EPHA3: variants seen among roughly 807,000 people sequenced by gnomAD.
The protein encoded by EPHA3 is EPH receptor A3, also known as ephrin type-A receptor 3.
In EPHA3, 42 loss-of-function variants were observed where a neutral mutation model predicts 107.1. The ratio of observed to expected loss-of-function variants is 0.39; its 90% CI spans 0.31 to 0.51. The LOEUF is 0.51. EPHA3 is among the 20% of genes least tolerant of loss of function. The probability of loss-of-function intolerance (pLI) is 0.78; values close to 1 mark genes in which losing one functional copy is unlikely to be tolerated. For missense variants in EPHA3, 1,183 were observed against 1,211.2 expected (o/e 0.98, Z 0.35); for synonymous variants, 461 against 424.8 (o/e 1.09, Z -1.05).
intron 5 of EPHA3, among the ~76,000 whole-genome samples, chr3:89,365,751 G>A (rs898088457): frequency 1.0e-4 from 15 of 150,474 alleles, no homozygotes; most frequent in African/African-American, 3.6e-4. Flanking sequence ...GGACAAAGCG[G>A]TATGACTGTC....
chr3:89,424,689 A>G (rs1709422347), intron 11 of EPHA3, among the ~76,000 whole-genome samples: 1 of 151,426 alleles, frequency 6.6e-6, no homozygotes, highest in Admixed American at 6.6e-5. Context: ...GAAAGGAGAA[A>G]AAAACAAAAC....
At chr3:89,155,462 A>G (rs1331921893) in intron 2 of EPHA3, among the ~76,000 whole-genome samples, 1 of 152,078 alleles carries the variant, frequency 6.6e-6, no homozygotes, top group African/African-American at 2.4e-5. Flanking sequence ...CAAGCATAGT[A>G]TTAACCAGAC....
intron 3 of EPHA3, among the ~76,000 whole-genome samples, chr3:89,297,736 A>G (rs961870261): frequency 2.6e-5 from 4 of 152,136 alleles, no homozygotes. Context: ...GCTAAGCACA[A>G]TAAAATGAAA....
intron 3 of EPHA3, among the ~76,000 whole-genome samples, chr3:89,291,914 G>A (rs546510229): frequency 6.6e-6 from 1 of 152,114 alleles, no homozygotes; most frequent in Admixed American, 6.6e-5. Flanking sequence ...ATGTATGGTA[G>A]CATCAATGTC....
At chr3:89,288,744 G>T (rs1338334669) in intron 3 of EPHA3, among the ~76,000 whole-genome samples, 1 of 152,122 alleles carries the variant, frequency 6.6e-6, no homozygotes, top group Non-Finnish European at 1.5e-5. Flanking sequence ...TTGCATAAAT[G>T]ATATTGCATT....
At chr3:89,373,921 G>C (rs1051329485) in intron 5 of EPHA3, among the ~76,000 whole-genome samples, 1 of 151,558 alleles carries the variant, frequency 6.6e-6, no homozygotes, top group Non-Finnish European at 1.5e-5. Context: ...TAACTCTAAG[G>C]GTCAAATAGA....
chr3:89,438,725 CA>C (rs1202954806), intron 13 of EPHA3, among the ~76,000 whole-genome samples: 1 of 151,914 alleles, frequency 6.6e-6, no homozygotes, highest in Non-Finnish European at 1.5e-5. Context: ...AACTGTGAAC[CA>C]AAAAAAGTCA....
intron 10 of EPHA3, among the ~76,000 whole-genome samples, chr3:89,414,030 C>T (rs758351011): frequency 3.3e-5 from 5 of 151,410 alleles, no homozygotes; most frequent in Non-Finnish European, 7.4e-5. Context: ...AATTTTGTAC[C>T]ATCATCTAAT....
chr3:89,266,090 C>T, intron 3 of EPHA3, among the ~76,000 whole-genome samples: 1 of 152,048 alleles, frequency 6.6e-6, no homozygotes, highest in East Asian at 1.9e-4. Context: ...TCAAGATAAT[C>T]CAGAGAGACG....
chr3:89,335,707 A>T (rs1196983224), intron 3 of EPHA3, among the ~76,000 whole-genome samples: 1 of 152,174 alleles, frequency 6.6e-6, no homozygotes, highest in African/African-American at 2.4e-5. Flanking sequence ...CTAGTTTAAA[A>T]ATCTTCTTAC....
In EPHA3 at chr3:89,209,855, T is replaced by C. The variant is rs1388802149; in HGVS notation, c.154-5T>C. On this transcript the variant is annotated splice_region_variant and splice_polypyrimidine_tract_variant and intron_variant, in intron 2 of 16. Coordinates refer to ENST00000336596, the MANE Select transcript of EPHA3 (RefSeq NM_005233.6). ...CTCACTCTCTGTTTCTCTTTGATTC[T>C]TCAGTGGGAAGAGATCAGTGGTGTG... The C allele has an allele frequency of 2.5e-6, 4 of 1,577,674 alleles. No homozygotes were observed. The highest frequency in any genetic ancestry group is 3.4e-6 in the Non-Finnish European group (4 of 1,161,598).
chr3:89,387,335 T>C (rs1279337824), intron 5 of EPHA3, among the ~76,000 whole-genome samples: 1 of 152,178 alleles, frequency 6.6e-6, no homozygotes, highest in Admixed American at 6.5e-5. Context: ...TGAGTTCTCA[T>C]GCTATCTGAT....
chr3:89,404,718 CTG>C (rs1230455370), intron 7 of EPHA3, among the ~76,000 whole-genome samples: 1 of 152,096 alleles, frequency 6.6e-6, no homozygotes, highest in Non-Finnish European at 1.5e-5. Context: ...ACAGAAAAAA[CTG>C]TGGAGAAATC....
intron 3 of EPHA3, among the ~76,000 whole-genome samples, chr3:89,230,146 G>A (rs143734510): frequency 6.6e-6 from 1 of 152,012 alleles, no homozygotes; most frequent in East Asian, 1.9e-4. Flanking sequence ...GAGCAATTAA[G>A]TAAACTCACC....
chr3:89,147,282 A>G (rs1019613638), intron 2 of EPHA3, among the ~76,000 whole-genome samples: 4 of 151,792 alleles, frequency 2.6e-5, no homozygotes, highest in Admixed American at 6.6e-5. Flanking sequence ...TCAAACTGCC[A>G]TGGCACATAT....
Position 89,481,468 on chromosome 3 carries a change from A to G in EPHA3, c.*1966A>G, listed in dbSNP as rs1356159875. The G allele has an allele frequency of 8.6e-6, 2 of 232,230 alleles. No individual in the cohort carries two copies. The highest frequency in any genetic ancestry group is 1.7e-5 in the Non-Finnish European group (2 of 117,528). 14.4% of individuals were successfully genotyped at this position (232,230 alleles called of 1,614,324 possible). On this transcript the variant is annotated 3_prime_UTR_variant, in exon 17 of 17. Coordinates refer to ENST00000336596, the MANE Select transcript of EPHA3 (RefSeq NM_005233.6). The stretch of plus-strand genomic sequence containing the variant: ...AAGTATTTTGTGTTTGGAATGTTAG[A>G]ATGAGATCTGAATGTGGTTTCAATC...
At chr3:89,228,020 A>T (rs1360578982) in intron 3 of EPHA3, among the ~76,000 whole-genome samples, 1 of 151,782 alleles carries the variant, frequency 6.6e-6, no homozygotes, top group East Asian at 1.9e-4. Flanking sequence ...ACAGTCGTTT[A>T]GTTGGTAGTT....
At chr3:89,202,381 C>T (rs567334153) in intron 2 of EPHA3, among the ~76,000 whole-genome samples, 3 of 150,698 alleles carry the variant, frequency 2.0e-5, no homozygotes, top group East Asian at 2.0e-4. Flanking sequence ...CTGGGCATGG[C>T]GGTGCATGCC....
chr3:89,131,871 T>C (rs1704213973), intron 2 of EPHA3, among the ~76,000 whole-genome samples: 1 of 152,198 alleles, frequency 6.6e-6, no homozygotes, highest in South Asian at 2.1e-4. Flanking sequence ...CCAATATCTG[T>C]TCGCTGGATT....
Sources: gnomAD v4.1 joint callset for allele counts (sites outside exome capture counted in the v4.1 genomes callset) on GRCh38, gnomAD v4.1.1 for gene constraint, MANE v1.5 for transcripts, NCBI Gene and HGNC (gene_info 2026-07-23, HGNC 2026-07-21) for gene names.